The following VPS35L variants were observed in gnomAD, a reference collection of about 807,000 sequenced individuals.
VPS35L encodes the protein VPS35 endosomal protein sorting factor like.
Under a neutral mutation model 133.0 loss-of-function variants are expected in VPS35L, and 83 were observed. The observed-to-expected ratio is 0.62, with a 90% CI of 0.52 to 0.75. The LOEUF is 0.75. Ranked by LOEUF, VPS35L falls within the 30% of genes least tolerant of loss-of-function variation. The pLI, the probability that VPS35L is intolerant of heterozygous loss-of-function variation, is 0.00. For missense variants in VPS35L, 1,083 were observed against 1,206.8 expected, an observed-to-expected ratio of 0.90 and a Z score of 1.52; for synonymous variants, 423 against 449.9, an observed-to-expected ratio of 0.94 and a Z score of 0.76.
At chr16:19,565,447 ATTCACCTGCCTCAGCCT>A in intron 2 of VPS35L, among the ~76,000 whole-genome samples, 1 of 152,180 alleles carries the variant, frequency 6.6e-6, no homozygotes, top group South Asian at 2.1e-4. Context: ...GGTTCAAGCA[ATTCACCTGCCTCAGCCT>A]CCTGAGTAGC....
In VPS35L at chr16:19,700,526, G is replaced by T; in HGVS notation, c.*50G>T. On this transcript the variant is annotated 3_prime_UTR_variant, in exon 31 of 31. Coordinates refer to ENST00000417362, the MANE Select transcript of VPS35L (RefSeq NM_020314.7). The stretch of plus-strand genomic sequence containing the variant: ...GGGACTCTGGTGCCAAATCCAGAAA[G>T]ATCTGCTCTGCTGCCCTGAACTCTT... The T allele has an allele frequency of 6.8e-7, 1 of 1,466,572 alleles. No homozygotes were observed. The allele number at this position is 1,466,572 out of a possible 1,614,324, so 90.8% of individuals were successfully genotyped here.
At chr16:19,616,321 A>T (rs1255233065) in intron 13 of VPS35L, 130 bp downstream of exon 13, 1 of 751,944 alleles carries the variant, frequency 1.3e-6, no homozygotes, top group Admixed American at 2.4e-5. Flanking sequence ...GGAAAATTAC[A>T]CTAGCTTCTG....
In VPS35L at chr16:19,639,219, A is replaced by G. The variant is rs1013317401; in HGVS notation, c.1699-796A>G. ...AACCGCAGATAAGGGAGCAACTACC[A>G]TATTCCCACTTTACAGATGAGAAAA... On this transcript the variant is annotated intron_variant, in intron 20 of 30. Transcript: ENST00000417362. This position sits in a 1 kb window ranked among gnomAD's most constrained non-coding sequence, Gnocchi z 4.1. Among the ~76,000 whole-genome samples, 1 of 152,270 alleles carries G rather than the reference A, an allele frequency of 6.6e-6. No homozygotes were observed. Among genetic ancestry groups the G allele is most frequent in the African/African-American group, 2.4e-5 (1 of 41,480 alleles).
In VPS35L at chr16:19,699,772, G is replaced by A. The variant is rs970181060; in HGVS notation, c.2793+124G>A. ...TACTCCCCTTTTAGAAAAGCACTTG[G>A]TCCATTTCTACTGGATCACTTCCTA... is the stretch of plus-strand genomic sequence containing the variant. On this transcript the variant is annotated intron_variant, in intron 30 of 30. Coordinates refer to ENST00000417362, the MANE Select transcript of VPS35L (RefSeq NM_020314.7). The surrounding 1 kb of genome is among the most constrained non-coding windows in gnomAD (Gnocchi z 4.2). 30 of 1,301,324 alleles carry A rather than the reference G, an allele frequency of 2.3e-5. No homozygotes were observed. Among genetic ancestry groups the A allele is most frequent in the Non-Finnish European group, 3.2e-5 (30 of 942,914 alleles). 80.6% of individuals were successfully genotyped at this position (1,301,324 alleles called of 1,614,324 possible).
intron 9 of VPS35L, among the ~76,000 whole-genome samples, chr16:19,602,592 C>T (rs1049457307): frequency 2.0e-5 from 3 of 151,738 alleles, no homozygotes; most frequent in Non-Finnish European, 2.9e-5. Flanking sequence ...GTCCATCAAT[C>T]GATCAATTTA....
chr16:19,610,504 G>A (rs969281193), intron 12 of VPS35L, 89 bp downstream of exon 12: 26 of 919,390 alleles, frequency 2.8e-5, no homozygotes, highest in East Asian at 8.3e-5. Flanking sequence ...CCACCACCCC[G>A]CAAGTCATTG....
intron 9 of VPS35L, among the ~76,000 whole-genome samples, chr16:19,602,630 T>C (rs1972420871): frequency 6.6e-6 from 1 of 152,076 alleles, no homozygotes; most frequent in African/African-American, 2.4e-5. Flanking sequence ...TGAGATGGAC[T>C]CTTGCTCTGT....
intron 1 of VPS35L, among the ~76,000 whole-genome samples, chr16:19,561,333 T>G (rs1192907261): frequency 6.6e-6 from 1 of 152,164 alleles, no homozygotes; most frequent in Non-Finnish European, 1.5e-5. Flanking sequence ...ATCGCGCCAC[T>G]GCACTCCAGC....
chr16:19,587,070 C>A (rs923909880), intron 7 of VPS35L, among the ~76,000 whole-genome samples: 1 of 151,728 alleles, frequency 6.6e-6, no homozygotes, highest in Admixed American at 6.6e-5. Flanking sequence ...GCAGGTACAT[C>A]TTTCCATAGC....
intron 21 of VPS35L, among the ~76,000 whole-genome samples, chr16:19,640,447 A>G (rs543271044): frequency 2.0e-5 from 3 of 152,304 alleles, no homozygotes; most frequent in African/African-American, 7.2e-5. Flanking sequence ...TTTACTTTTG[A>G]TATGTTTTTA....
At chr16:19,614,036 G>C (rs928498091) in intron 12 of VPS35L, among the ~76,000 whole-genome samples, 32 of 151,840 alleles carry the variant, frequency 2.1e-4, no homozygotes, top group Non-Finnish European at 3.5e-4. Context: ...GGTAGAGCGT[G>C]GGGGGAGCTT....
At chr16:19,660,664 A>G (rs902209262) in intron 26 of VPS35L, among the ~76,000 whole-genome samples, 24 of 152,298 alleles carry the variant, frequency 1.6e-4, no homozygotes, top group African/African-American at 5.1e-4. Context: ...ACCAATGCCA[A>G]CCATACAAAA....
At chr16:19,580,217 A>G (rs1971667019) in intron 6 of VPS35L, among the ~76,000 whole-genome samples, 2 of 151,796 alleles carry the variant, frequency 1.3e-5, no homozygotes, top group African/African-American at 4.8e-5. Flanking sequence ...AGGTTAAAGC[A>G]ATTCTCCTGC....
chr16:19,691,405 C>A lies in VPS35L; in HGVS notation c.2580C>A (p.Asn860Lys). The change falls in exon 29 of 31, where the codon AAC (asparagine) becomes AAA (lysine). Residue 860 changes from asparagine to lysine, a missense_variant. Physicochemically the swap from Asn to Lys is moderately conservative, Grantham distance 94. Coordinates refer to ENST00000417362, the MANE Select transcript of VPS35L (RefSeq NM_020314.7). ...GAGACTCCAAGTTCCTGGCAGAAAA[C>A]AACAAGCTGTGTGAGACGGTGATGG... ...YGGDSKFLAE[N>K]NKLCETVMAQ... 1 of 1,614,074 alleles carries A rather than the reference C, an allele frequency of 6.2e-7. No homozygotes were observed. The highest frequency in any genetic ancestry group is 8.5e-7 in the Non-Finnish European group (1 of 1,179,952).
At chr16:19,679,347 A>G (rs1975177929) in intron 27 of VPS35L, among the ~76,000 whole-genome samples, 1 of 149,930 alleles carries the variant, frequency 6.7e-6, no homozygotes, top group Non-Finnish European at 1.5e-5. Context: ...CCCAGGCTGG[A>G]GTGCAGTGGT....
At chr16:19,628,571 T>C (rs1973342397) in intron 16 of VPS35L, 66 bp from the exon 17 acceptor site, 13 of 874,676 alleles carry the variant, frequency 1.5e-5, no homozygotes, top group Non-Finnish European at 2.3e-5. Flanking sequence ...CTCTTTTCTT[T>C]TCTTTGAGCT....
chr16:19,688,702 G>GGGCTCCCCAGA (rs1975555089), intron 28 of VPS35L, among the ~76,000 whole-genome samples: 1 of 152,228 alleles, frequency 6.6e-6, no homozygotes, highest in Admixed American at 6.5e-5. Flanking sequence ...ACAGAGTGCT[G>GGGCTCCCCAGA]CTTGTTCACA....
chr16:19,624,939 C>T (rs1369376281), intron 14 of VPS35L, among the ~76,000 whole-genome samples: 1 of 152,168 alleles, frequency 6.6e-6, no homozygotes, highest in Non-Finnish European at 1.5e-5. Flanking sequence ...TACCTCTGGT[C>T]TTGGGCTTGA....
chr16:19,596,181 A>G (rs1282369765), intron 8 of VPS35L, among the ~76,000 whole-genome samples: 1 of 152,182 alleles, frequency 6.6e-6, no homozygotes, highest in Non-Finnish European at 1.5e-5. Flanking sequence ...CAGGGTCACC[A>G]TCATAGTGAA....
Sources: allele counts gnomAD v4.1 joint callset (sites outside exome capture counted in the v4.1 genomes callset), GRCh38; gene constraint gnomAD v4.1.1; non-coding constraint Gnocchi (gnomAD v3.1); transcripts MANE v1.5; gene names NCBI Gene and HGNC (gene_info 2026-07-23, HGNC 2026-07-21).